Variants in COBL observed in about 807,000 individuals in gnomAD.
The protein encoded by COBL is cordon-bleu WH2 repeat protein, also known as protein cordon-bleu.
A neutral mutation model predicts 98.8 loss-of-function variants in COBL; 51 were observed. The observed-to-expected ratio is 0.52, with a 90% CI of 0.41 to 0.65. The LOEUF (loss-of-function observed/expected upper bound fraction) is 0.65. Ranked by LOEUF, COBL falls within the 30% of genes least tolerant of loss-of-function variation. COBL has a pLI of 0.00. For missense variants in COBL, 1,617 were observed against 1,617.5 expected, an observed-to-expected ratio of 1.00 and a Z score of 0.01; for synonymous variants, 634 against 651.7, an observed-to-expected ratio of 0.97 and a Z score of 0.41.
Position 51,114,291 on chromosome 7 carries a change from C to G in COBL, c.957+21867G>C, listed in dbSNP as rs541814112. Among the ~76,000 whole-genome samples, 266 of 152,002 alleles carry G rather than the reference C, an allele frequency of 1.7e-3. 2 individuals are homozygous for G. Among genetic ancestry groups the G allele is most frequent in the African/African-American group, 4.0e-3 (167 of 41,466 alleles). On this transcript the variant is annotated intron_variant, in intron 6 of 12. Coordinates refer to ENST00000265136, the MANE Select transcript of COBL (RefSeq NM_015198.5). ...TCAAAGGCAAATCAGTGTGAGGAGTCCCCTGTCTCTCTACCGTGCTGCCCC... is the reference window on the plus strand; with the variant it reads ...TCAAAGGCAAATCAGTGTGAGGAGTGCCCTGTCTCTCTACCGTGCTGCCCC...
intron 6 of COBL, 42 bp downstream of exon 6, chr7:51,136,116 C>T (rs892944887): frequency 3.8e-6 from 6 of 1,580,172 alleles, no homozygotes; most frequent in Non-Finnish European, 5.1e-6. Context: ...AACTGTGTCA[C>T]TGAAAAGATG....
chr7:51,294,768 GT>G lies in COBL; in HGVS notation c.41+21824del, dbSNP rs537121046. 5.3e-5 allele frequency among the ~76,000 whole-genome samples: 8 copies of G among 151,868 alleles called. No homozygotes were observed. The South Asian group carries it at 1.7e-3, about 32-fold the overall frequency. ...CCTTGGGGTCCAGCAATATAAGCAT[GT>G]TTTTATACCCCCTGTAGATCTAGCA... On this transcript the variant is annotated intron_variant, in intron 1 of 12. Coordinates refer to ENST00000265136, the MANE Select transcript of COBL (RefSeq NM_015198.5).
At chr7:51,052,178 T>C (rs1244224719) in intron 7 of COBL, among the ~76,000 whole-genome samples, 2 of 152,196 alleles carry the variant, frequency 1.3e-5, no homozygotes, top group Non-Finnish European at 2.9e-5. Context: ...TTGCAAATTA[T>C]ACAAGAAGCC....
Position 51,136,268 on chromosome 7 carries a change from G to A in COBL, c.847C>T (p.Leu283Phe), listed in dbSNP as rs750777823. 9 of 1,614,102 alleles carry A rather than the reference G, an allele frequency of 5.6e-6. No homozygotes were observed. The South Asian group carries it at 9.9e-5, about 18-fold the overall frequency. Residue 283 changes from leucine to phenylalanine, a missense_variant, in exon 6 of 13, where the codon CTC becomes TTC. This residue lies in a region of COBL where 1,304 missense variants were observed against 1,282.0 expected (regional missense o/e 1.02). Transcript: ENST00000265136. Reference sequence around the variant, plus strand: ...ACCCCTGAGATGCTGCCCAGCGAGAGGGATGGACCCAGCGTAAGAGAACGT... The same window carrying A: ...ACCCCTGAGATGCTGCCCAGCGAGAAGGATGGACCCAGCGTAAGAGAACGT... ...HSRSLTLGPS[L>F]SLGSISGVSV... is the part of the protein sequence containing the mutation.
intron 2 of COBL, among the ~76,000 whole-genome samples, chr7:51,204,182 G>A (rs1791434168): frequency 6.6e-6 from 1 of 152,140 alleles, no homozygotes; most frequent in African/African-American, 2.4e-5. Context: ...ATCCATGCAT[G>A]CTGAAACTCT....
intron 6 of COBL, among the ~76,000 whole-genome samples, chr7:51,090,387 C>G (rs1000220534): frequency 2.0e-5 from 3 of 152,262 alleles, no homozygotes; most frequent in Non-Finnish European, 4.4e-5. Flanking sequence ...TCAACTGTGA[C>G]AGCCCTTCCC....
chr7:51,138,771 C>T (rs186126156), intron 5 of COBL, among the ~76,000 whole-genome samples: 1 of 152,228 alleles, frequency 6.6e-6, no homozygotes, highest in Non-Finnish European at 1.5e-5. Context: ...ACCCATGCCA[C>T]CTGCTATCTC....
intron 6 of COBL, among the ~76,000 whole-genome samples, chr7:51,124,461 A>C (rs549782805): frequency 6.6e-6 from 1 of 152,280 alleles, no homozygotes; most frequent in Admixed American, 6.5e-5. Flanking sequence ...TGGAAGTGAC[A>C]CCCTCACCCA....
intron 5 of COBL, among the ~76,000 whole-genome samples, chr7:51,153,816 G>A (rs1331733855): frequency 6.6e-6 from 1 of 152,168 alleles, no homozygotes; most frequent in Non-Finnish European, 1.5e-5. Context: ...TCCAATATCA[G>A]TGCTGTCACG....
chr7:51,127,098 G>A (rs1205472384), intron 6 of COBL, among the ~76,000 whole-genome samples: 1 of 152,174 alleles, frequency 6.6e-6, no homozygotes, highest in Non-Finnish European at 1.5e-5. Context: ...AAGGCCGTGG[G>A]ACGTGGAGGG....
intron 5 of COBL, among the ~76,000 whole-genome samples, chr7:51,167,525 G>A (rs901453397): frequency 1.3e-5 from 2 of 151,918 alleles, no homozygotes; most frequent in Non-Finnish European, 2.9e-5. Context: ...CAAATTCAAT[G>A]CAATGTCTAT....
chr7:51,260,803 C>T (rs1797645800), intron 1 of COBL, among the ~76,000 whole-genome samples: 1 of 152,184 alleles, frequency 6.6e-6, no homozygotes, highest in South Asian at 2.1e-4. Flanking sequence ...GACCAGGCGG[C>T]AGAGCCTGGA....
chr7:51,285,822 T>G (rs1208968268), intron 1 of COBL, among the ~76,000 whole-genome samples: 1 of 152,190 alleles, frequency 6.6e-6, no homozygotes, highest in Non-Finnish European at 1.5e-5. Flanking sequence ...AGGAATCACA[T>G]TACATAGCCT....
At chr7:51,218,223 G>A (rs974846687) in intron 2 of COBL, among the ~76,000 whole-genome samples, 1 of 152,168 alleles carries the variant, frequency 6.6e-6, no homozygotes, top group Non-Finnish European at 1.5e-5. Flanking sequence ...AAAAATGTAT[G>A]CACCCCTTTG....
intron 5 of COBL, among the ~76,000 whole-genome samples, chr7:51,164,454 G>C (rs1340012031): frequency 6.6e-6 from 1 of 152,100 alleles, no homozygotes; most frequent in African/African-American, 2.4e-5. Context: ...GGCCAGGAGA[G>C]AGTGACATAA....
intron 6 of COBL, among the ~76,000 whole-genome samples, chr7:51,100,772 C>A (rs553438801): frequency 6.6e-6 from 1 of 152,114 alleles, no homozygotes; most frequent in African/African-American, 2.4e-5. Flanking sequence ...GCATGGTGGC[C>A]CACACCTGTA....
In COBL at chr7:51,177,572, G is replaced by A. The variant is rs183687227; in HGVS notation, c.783+6530C>T. On this transcript the variant is annotated intron_variant, in intron 5 of 12. Coordinates refer to ENST00000265136, the MANE Select transcript of COBL (RefSeq NM_015198.5). ...GCAGATCACCTGAGGTCAGGAGTTCGAGACCAGCCTGGCTGACATGTGAAA... is the reference window on the plus strand; with the variant it reads ...GCAGATCACCTGAGGTCAGGAGTTCAAGACCAGCCTGGCTGACATGTGAAA... Among the ~76,000 whole-genome samples the A allele has an allele frequency of 3.6e-3, 542 of 151,790 alleles. 3 individuals are homozygous for A. Among genetic ancestry groups the A allele is most frequent in the Middle Eastern group, 0.024 (7 of 294 alleles).
At position 51,157,048 on chromosome 7, in the gene COBL, GC is replaced by G. The variant is rs1484925326; in HGVS notation, c.784-20718del. On this transcript the variant is annotated intron_variant, in intron 5 of 12. Transcript: ENST00000265136. ...GCTTGATTCTCCTATTGCCTCATCT[GC>G]CCCAATACCTCAAATCAGAGTTTTA... Among the ~76,000 whole-genome samples the G allele has an allele frequency of 5.9e-5, 9 of 152,210 alleles. No individual in the cohort carries two copies. In the East Asian group the frequency reaches 1.7e-3, roughly 29 times the overall value.
chr7:51,084,672 G>A (rs900202271), intron 7 of COBL, among the ~76,000 whole-genome samples: 11 of 152,022 alleles, frequency 7.2e-5, no homozygotes, highest in African/African-American at 1.9e-4. Flanking sequence ...AAGAAAATCA[G>A]GGTCTTTGCT....
Sources: gnomAD v4.1 joint callset for allele counts (sites outside exome capture counted in the v4.1 genomes callset) on GRCh38, gnomAD v4.1.1 for gene constraint, gnomAD v4.1.1 regional missense constraint, MANE v1.5 for transcripts, NCBI Gene and HGNC (gene_info 2026-07-23, HGNC 2026-07-21) for gene names.